The following RUNX1 variants were observed in gnomAD, a reference collection of about 807,000 sequenced individuals.
RUNX1 encodes the protein RUNX family transcription factor 1, also known as runt-related transcription factor 1.
RUNX1 carries 19 observed loss-of-function variants against 42.8 expected under a neutral mutation model. The observed-to-expected ratio is 0.44, with a 90% CI of 0.31 to 0.65. RUNX1 has a LOEUF of 0.65. Among genes scored for constraint, RUNX1 ranks in the 30% least tolerant of loss-of-function variants. The pLI is 0.07. For synonymous variants in RUNX1, 271 were observed against 289.4 expected, an observed-to-expected ratio of 0.94 and a Z score of 0.64; for missense variants, 528 against 672.0, an observed-to-expected ratio of 0.79 and a Z score of 2.37.
chr21:34,936,074 GC>G (rs1337039755), intron 2 of RUNX1, among the ~76,000 whole-genome samples: 1 of 152,076 alleles, frequency 6.6e-6, no homozygotes, highest in African/African-American at 2.4e-5. Context: ...GGGATAAAAA[GC>G]CAGGAGACCC....
chr21:34,853,543 C>T (rs976352446), intron 6 of RUNX1, among the ~76,000 whole-genome samples: 2 of 152,134 alleles, frequency 1.3e-5, no homozygotes, highest in Non-Finnish European at 2.9e-5. Flanking sequence ...AGTTGCGTGA[C>T]TTTGGGCAAG....
chr21:35,044,223 C>T (rs999350860), intron 2 of RUNX1, among the ~76,000 whole-genome samples: 2 of 152,178 alleles, frequency 1.3e-5, no homozygotes, highest in Non-Finnish European at 2.9e-5. Context: ...CCAGGCTGTA[C>T]TCTCGGCCTA....
chr21:34,956,719 T>C (rs1157111665), intron 2 of RUNX1, among the ~76,000 whole-genome samples: 1 of 152,172 alleles, frequency 6.6e-6, no homozygotes, highest in Non-Finnish European at 1.5e-5. Flanking sequence ...CTGAGCAAAG[T>C]TGATCTGAAT....
intron 2 of RUNX1, among the ~76,000 whole-genome samples, chr21:34,996,989 C>T (rs1170724727): frequency 6.6e-6 from 1 of 152,214 alleles, no homozygotes; most frequent in Non-Finnish European, 1.5e-5. Flanking sequence ...AAAACTAATT[C>T]AGAACTTATG....
intron 3 of RUNX1, among the ~76,000 whole-genome samples, chr21:34,888,961 G>A (rs991592672): frequency 2.0e-5 from 3 of 151,254 alleles, no homozygotes; most frequent in African/African-American, 4.8e-5. Context: ...GGCCCCGCCC[G>A]CGTGCGGACC....
intron 7 of RUNX1, among the ~76,000 whole-genome samples, chr21:34,828,744 G>A (rs895170473): frequency 2.6e-5 from 4 of 152,044 alleles, no homozygotes; most frequent in African/African-American, 9.7e-5. Context: ...TCATGGAGGT[G>A]GCTTTGTCAT....
intron 2 of RUNX1, among the ~76,000 whole-genome samples, chr21:34,985,863 CAGACTTTTTTTTTTTTTTTTTTTTTTTG>C (rs1321230450): frequency 7.1e-6 from 1 of 141,018 alleles, no homozygotes; most frequent in Non-Finnish European, 1.5e-5. Flanking sequence ...CAACTCTGAC[CAGACTTTTTTTTTTTTTTTTTTTTTTTG>C]AGACAGGGTC....
intron 7 of RUNX1, among the ~76,000 whole-genome samples, chr21:34,816,153 T>C (rs1220708775): frequency 1.3e-5 from 2 of 152,186 alleles, no homozygotes; most frequent in East Asian, 3.8e-4. Flanking sequence ...AGAAATTGTT[T>C]AGGGCAGGAT....
intron 2 of RUNX1, among the ~76,000 whole-genome samples, chr21:34,939,557 T>TAGTCTC (rs2058511284): frequency 6.6e-6 from 1 of 152,176 alleles, no homozygotes; most frequent in Non-Finnish European, 1.5e-5. Context: ...AGGGGCCCTC[T>TAGTCTC]AGTCTCAGTC....
rs1236644406 is a variant in RUNX1, at chr21:34,792,038, G to A, written c.*97C>T. ...CCCCAGGACGGTGGCCGGGCCCAGG[G>A]CCCGGGATCCCGGCGGGCTTGTCGC... On this transcript the variant is annotated 3_prime_UTR_variant, in exon 9 of 9. Coordinates refer to ENST00000675419, the MANE Select transcript of RUNX1 (RefSeq NM_001754.5). The surrounding 1 kb of genome is among the most constrained non-coding windows in gnomAD (Gnocchi z 6.9). The A allele has an allele frequency of 7.6e-6, 6 of 790,684 alleles. No homozygotes were observed. Among genetic ancestry groups the A allele is most frequent in the Non-Finnish European group, 1.1e-5 (6 of 553,366 alleles). 49.0% of individuals were successfully genotyped at this position (790,684 alleles called of 1,614,324 possible).
intron 7 of RUNX1, chr21:34,821,711 T>C: frequency 6.4e-7 from 1 of 1,558,844 alleles, no homozygotes. Context: ...GGGAGCCATG[T>C]GTGACCAGGG....
chr21:34,866,927 G>A (rs2057671365), intron 5 of RUNX1, among the ~76,000 whole-genome samples: 3 of 152,212 alleles, frequency 2.0e-5, no homozygotes, highest in Admixed American at 6.5e-5. Flanking sequence ...GTTTTCCATG[G>A]AAATGGCATT....
chr21:35,022,684 C>T (rs1243727479), intron 2 of RUNX1, among the ~76,000 whole-genome samples: 2 of 152,058 alleles, frequency 1.3e-5, no homozygotes, highest in African/African-American at 4.8e-5. Flanking sequence ...CATCTGAGGT[C>T]AGGAATTCGA....
chr21:34,853,017 C>T (rs1569056315), intron 6 of RUNX1, among the ~76,000 whole-genome samples: 1 of 152,208 alleles, frequency 6.6e-6, no homozygotes, highest in Non-Finnish European at 1.5e-5. Context: ...ACGGGCCCTC[C>T]ACGAAACCCT....
chr21:35,037,560 C>T (rs957828546), intron 2 of RUNX1, among the ~76,000 whole-genome samples: 1 of 152,164 alleles, frequency 6.6e-6, no homozygotes, highest in Non-Finnish European at 1.5e-5. Context: ...TTCTCAACAC[C>T]GACCTGTCCC....
chr21:34,922,311 T>G (rs1255142113), intron 2 of RUNX1, among the ~76,000 whole-genome samples: 1 of 152,120 alleles, frequency 6.6e-6, no homozygotes, highest in Non-Finnish European at 1.5e-5. Flanking sequence ...TGAAGAGAAA[T>G]GCATGCAATG....
rs1055309 is a variant in RUNX1 at position 34,792,198 on chromosome 21, G to A, written c.1380C>T (p.Ser460=). 6.5e-7 allele frequency: 1 copy of A among 1,538,166 alleles called. No individual in the cohort carries two copies. The highest frequency in any genetic ancestry group is 1.2e-5 in the South Asian group (1 of 83,768). Residue 460 remains serine, a synonymous_variant, in exon 9 of 9, where the codon AGC becomes AGT. Transcript: ENST00000675419. This position sits in a 1 kb window ranked among gnomAD's most constrained non-coding sequence, Gnocchi z 6.9. ...AGGGCGCCATGTTGGTGGGGGAGTT[G>A]CTGTGGCTGCCCTCGGCCTCCACCA... ...SDVVEAEGSH[S]NSPTNMAPSA...
chr21:34,941,565 C>T (rs1342755954), intron 2 of RUNX1, among the ~76,000 whole-genome samples: 1 of 152,174 alleles, frequency 6.6e-6, no homozygotes, highest in East Asian at 1.9e-4. Flanking sequence ...ATCTACCAAT[C>T]GGTCTTTCAA....
chr21:34,935,582 C>G (rs1255804138), intron 2 of RUNX1, among the ~76,000 whole-genome samples: 1 of 147,024 alleles, frequency 6.8e-6, no homozygotes, highest in Non-Finnish European at 1.5e-5. Flanking sequence ...AGTTGAGACA[C>G]TTTTTTTTTT....
Sources: allele counts gnomAD v4.1 joint callset (sites outside exome capture counted in the v4.1 genomes callset), GRCh38; gene constraint gnomAD v4.1.1; non-coding constraint Gnocchi (gnomAD v3.1); transcripts MANE v1.5; gene names NCBI Gene and HGNC (gene_info 2026-07-23, HGNC 2026-07-21).